Variants in LHFPL6 observed in about 807,000 individuals in gnomAD.
LHFPL6 encodes LHFPL tetraspan subfamily member 6, also known as LHFPL tetraspan subfamily member 6 protein.
A neutral mutation model predicts 20.6 loss-of-function variants in LHFPL6; 9 were observed. That is an observed-to-expected ratio of 0.44 (90% CI 0.26 to 0.76). The LOEUF (loss-of-function observed/expected upper bound fraction) is 0.76, where lower values mean the gene tolerates loss of function less well. LHFPL6 is among the 30% of genes least tolerant of loss of function. The pLI, the probability that LHFPL6 is intolerant of heterozygous loss-of-function variation, is 0.20. For missense variants in LHFPL6, 218 were observed against 253.5 expected (o/e 0.86, Z 0.95); for synonymous variants, 105 against 98.7 (o/e 1.06, Z -0.38).
At position 39,411,877 on chromosome 13, in the gene LHFPL6, G is replaced by A. The variant is rs554059110; in HGVS notation, c.386-33351C>T. ...CTCTTCAGTGGGATGTGGCCATTAA[G>A]TGAAATCTAGCTAAGGAATATGGGA... On this transcript the variant is annotated intron_variant, in intron 2 of 3. Coordinates refer to ENST00000379589, the MANE Select transcript of LHFPL6 (RefSeq NM_005780.3). Among the ~76,000 whole-genome samples the A allele has an allele frequency of 2.6e-5, 4 of 152,346 alleles. No homozygotes were observed. In the East Asian group the frequency reaches 5.8e-4, roughly 22 times the overall value.
rs1870114739 is a variant in LHFPL6, at chr13:39,369,618, C to T, written c.484+8810G>A. ...TCCTTCCTCCCTCTCTCCCTCCCTTCCTTCCCCCTTTCCTTTCCTCTCATT... is the reference window on the plus strand; with the variant it reads ...TCCTTCCTCCCTCTCTCCCTCCCTTTCTTCCCCCTTTCCTTTCCTCTCATT... On this transcript the variant is annotated intron_variant, in intron 3 of 3. Coordinates refer to ENST00000379589, the MANE Select transcript of LHFPL6 (RefSeq NM_005780.3). 4.6e-5 allele frequency among the ~76,000 whole-genome samples: 7 copies of T among 150,682 alleles called. No individual in the cohort carries two copies. The South Asian group carries it at 1.3e-3, about 28-fold the overall frequency.
intron 2 of LHFPL6, among the ~76,000 whole-genome samples, chr13:39,395,770 C>T (rs1870825465): frequency 6.6e-6 from 1 of 152,172 alleles, no homozygotes; most frequent in Non-Finnish European, 1.5e-5. Flanking sequence ...AGAAGGTGAG[C>T]TGTATGCTAC....
intron 2 of LHFPL6, among the ~76,000 whole-genome samples, chr13:39,562,597 TACAC>T (rs1555268284): frequency 1.7e-5 from 1 of 60,284 alleles, no homozygotes; most frequent in Non-Finnish European, 3.9e-5. Flanking sequence ...TATACATATA[TACAC>T]ATATACATAT....
intron 3 of LHFPL6, among the ~76,000 whole-genome samples, chr13:39,358,783 T>C (rs983812868): frequency 6.6e-6 from 1 of 151,942 alleles, no homozygotes; most frequent in Non-Finnish European, 1.5e-5. Context: ...AACAAACATG[T>C]GAAAGAAAAA....
At chr13:39,529,092 T>G (rs1182962596) in intron 2 of LHFPL6, among the ~76,000 whole-genome samples, 1 of 152,056 alleles carries the variant, frequency 6.6e-6, no homozygotes, top group Admixed American at 6.6e-5. Context: ...CTTATTTCTT[T>G]TTTTTTTCCT....
intron 2 of LHFPL6, among the ~76,000 whole-genome samples, chr13:39,510,066 G>A (rs1306029937): frequency 6.6e-6 from 1 of 152,236 alleles, no homozygotes; most frequent in Admixed American, 6.5e-5. Context: ...GAATCCTGCA[G>A]GAAGACTGAA....
chr13:39,545,093 G>T (rs1870936892), intron 2 of LHFPL6, among the ~76,000 whole-genome samples: 1 of 151,372 alleles, frequency 6.6e-6, no homozygotes, highest in African/African-American at 2.4e-5. Context: ...AATACAAAAA[G>T]AAATTAGCTG....
chr13:39,559,591 G>A (rs1231722542), intron 2 of LHFPL6, among the ~76,000 whole-genome samples: 2 of 152,136 alleles, frequency 1.3e-5, no homozygotes, highest in African/African-American at 2.4e-5. Context: ...AGCATTTAGT[G>A]AAAGCCAACG....
intron 3 of LHFPL6, among the ~76,000 whole-genome samples, chr13:39,371,184 A>T (rs773804344): frequency 8.5e-5 from 13 of 152,250 alleles, no homozygotes; most frequent in Non-Finnish European, 1.8e-4. Flanking sequence ...TTTCAAGAAC[A>T]GGAACCATGA....
chr13:39,467,729 T>C (rs1397161169), intron 2 of LHFPL6, among the ~76,000 whole-genome samples: 3 of 152,170 alleles, frequency 2.0e-5, no homozygotes, highest in Non-Finnish European at 4.4e-5. Context: ...TGTCCCCAAG[T>C]ATTGTCTGTT....
At chr13:39,539,401 C>T (rs925535283) in intron 2 of LHFPL6, among the ~76,000 whole-genome samples, 1 of 152,044 alleles carries the variant, frequency 6.6e-6, no homozygotes, top group African/African-American at 2.4e-5. Context: ...TCCAATGAAC[C>T]AAATCACCAG....
intron 2 of LHFPL6, among the ~76,000 whole-genome samples, chr13:39,444,179 T>C (rs889999601): frequency 2.0e-5 from 3 of 152,152 alleles, no homozygotes; most frequent in African/African-American, 7.2e-5. Flanking sequence ...AGAAGAAATA[T>C]CTAAGCAGCA....
At position 39,508,182 on chromosome 13, in the gene LHFPL6, G is replaced by A. The variant is rs141329290; in HGVS notation, c.385+92650C>T. Reference sequence around the variant, plus strand: ...TGGGATTACAGGTGTGCACAACCACGCCTGGCTAATTTTTGTATTTTTAGT... The same window carrying A: ...TGGGATTACAGGTGTGCACAACCACACCTGGCTAATTTTTGTATTTTTAGT... On this transcript the variant is annotated intron_variant, in intron 2 of 3. Coordinates refer to ENST00000379589, the MANE Select transcript of LHFPL6 (RefSeq NM_005780.3). 6.2e-3 allele frequency among the ~76,000 whole-genome samples: 941 copies of A among 151,876 alleles called. 12 individuals carry two copies. The highest frequency in any genetic ancestry group is 0.021 in the African/African-American group (889 of 41,404).
intron 3 of LHFPL6, among the ~76,000 whole-genome samples, chr13:39,361,939 G>A (rs1869883393): frequency 6.6e-6 from 1 of 152,108 alleles, no homozygotes. Context: ...AGGGAGGTAG[G>A]GATTGATAAA....
At chr13:39,421,228 T>G (rs1871476581) in intron 2 of LHFPL6, among the ~76,000 whole-genome samples, 1 of 152,208 alleles carries the variant, frequency 6.6e-6, no homozygotes, top group South Asian at 2.1e-4. Context: ...TTCACCAAAG[T>G]GATGCTCAGG....
At chr13:39,440,173 A>T (rs1314996371) in intron 2 of LHFPL6, among the ~76,000 whole-genome samples, 1 of 152,176 alleles carries the variant, frequency 6.6e-6, no homozygotes, top group Admixed American at 6.5e-5. Context: ...TTATCTGGAG[A>T]GATTGTGCAA....
At chr13:39,354,691 G>A (rs140052382) in intron 3 of LHFPL6, among the ~76,000 whole-genome samples, 50 of 152,012 alleles carry the variant, frequency 3.3e-4, no homozygotes, top group African/African-American at 1.1e-3. Context: ...AAAAAGACAC[G>A]GCCATTTTAA....
intron 2 of LHFPL6, among the ~76,000 whole-genome samples, chr13:39,584,811 T>C (rs1872398245): frequency 6.6e-6 from 1 of 152,084 alleles, no homozygotes; most frequent in African/African-American, 2.4e-5. Context: ...ATGACTCCAT[T>C]GTAGTTCCCT....
At chr13:39,567,609 C>A (rs779464474) in intron 2 of LHFPL6, among the ~76,000 whole-genome samples, 5 of 152,048 alleles carry the variant, frequency 3.3e-5, no homozygotes, top group Non-Finnish European at 7.4e-5. Context: ...CTACCTTTTC[C>A]TTCCTCTCCT....
Sources: gnomAD v4.1 joint callset for allele counts (sites outside exome capture counted in the v4.1 genomes callset) on GRCh38, gnomAD v4.1.1 for gene constraint, MANE v1.5 for transcripts, NCBI Gene and HGNC (gene_info 2026-07-23, HGNC 2026-07-21) for gene names.